Variants in NPSR1 observed in about 807,000 individuals in gnomAD.
NPSR1 encodes neuropeptide S receptor 1, also known as neuropeptide S receptor.
Under a neutral mutation model 46.9 loss-of-function variants are expected in NPSR1, and 48 were observed. That is an observed-to-expected ratio of 1.02 (90% confidence interval 0.81 to 1.30). The LOEUF (loss-of-function observed/expected upper bound fraction) is 1.30, where lower values mean the gene tolerates loss of function less well. NPSR1 is among the 50% of genes most tolerant of loss of function. The pLI is 0.00. For missense variants in NPSR1, 450 were observed against 449.5 expected, an observed-to-expected ratio of 1.00 and a Z score of -0.01; for synonymous variants, 176 against 168.1, an observed-to-expected ratio of 1.05 and a Z score of -0.36.
intron 8 of NPSR1, among the ~76,000 whole-genome samples, chr7:34,861,040 G>T (rs981154414): frequency 2.6e-5 from 4 of 151,848 alleles, no homozygotes; most frequent in African/African-American, 9.7e-5. Context: ...GCTGGTGAAA[G>T]CGCTAACTTA....
intron 3 of NPSR1, among the ~76,000 whole-genome samples, chr7:34,788,205 C>T (rs187478527): frequency 9.9e-5 from 15 of 151,948 alleles, no homozygotes; most frequent in Admixed American, 3.3e-4. Flanking sequence ...TAAAATCGCT[C>T]GTTATAAGAC....
intron 8 of NPSR1, among the ~76,000 whole-genome samples, chr7:34,859,015 G>C (rs13310909): frequency 6.6e-6 from 1 of 151,688 alleles, no homozygotes; most frequent in African/African-American, 2.4e-5. Flanking sequence ...TTTGCTCTAG[G>C]TGGCAGGTTC....
At chr7:34,695,527 G>A (rs1793476073) in intron 2 of NPSR1, among the ~76,000 whole-genome samples, 1 of 152,006 alleles carries the variant, frequency 6.6e-6, no homozygotes, top group Non-Finnish European at 1.5e-5. Context: ...CAGCCTATTT[G>A]GAGAGGAAGT....
intron 3 of NPSR1, among the ~76,000 whole-genome samples, chr7:34,781,372 G>C (rs943072107): frequency 6.6e-6 from 1 of 152,106 alleles, no homozygotes; most frequent in Non-Finnish European, 1.5e-5. Context: ...AGCCCAGAGA[G>C]GACTCAAGGG....
At chr7:34,765,854 T>C (rs1353700960) in intron 2 of NPSR1, among the ~76,000 whole-genome samples, 1 of 152,072 alleles carries the variant, frequency 6.6e-6, no homozygotes, top group Non-Finnish European at 1.5e-5. Flanking sequence ...AAACCTTGGA[T>C]ACACATGGAC....
intron 2 of NPSR1, among the ~76,000 whole-genome samples, chr7:34,697,697 A>G (rs978619938): frequency 1.3e-5 from 2 of 151,828 alleles, no homozygotes; most frequent in Non-Finnish European, 1.5e-5. Flanking sequence ...TACTTTCTTA[A>G]TATTTTTAAT....
intron 2 of NPSR1, among the ~76,000 whole-genome samples, chr7:34,732,954 AC>A (rs1784496481): frequency 1.3e-5 from 2 of 152,260 alleles, no homozygotes; most frequent in South Asian, 4.1e-4. Context: ...AAAAATATTA[AC>A]ACATCTAAAA....
chr7:34,709,169 C>T (rs1794260816), intron 2 of NPSR1, among the ~76,000 whole-genome samples: 1 of 152,234 alleles, frequency 6.6e-6, no homozygotes, highest in Admixed American at 6.5e-5. Context: ...GGCCTCATTA[C>T]GTTTCTCAGG....
intron 2 of NPSR1, among the ~76,000 whole-genome samples, chr7:34,726,607 C>A (rs1253971824): frequency 6.6e-6 from 1 of 152,032 alleles, no homozygotes; most frequent in East Asian, 1.9e-4. Flanking sequence ...TTGGAAGCAA[C>A]CAAAATGTCC....
intron 2 of NPSR1, among the ~76,000 whole-genome samples, chr7:34,743,840 C>T (rs1271237546): frequency 6.6e-6 from 1 of 152,082 alleles, no homozygotes; most frequent in Non-Finnish European, 1.5e-5. Context: ...TTTTTGTTAT[C>T]ATTTTCTAGC....
intron 1 of NPSR1, among the ~76,000 whole-genome samples, chr7:34,663,041 T>TTCTCTCTCTCTC (rs376420280): frequency 0.06 from 6,498 of 108,102 alleles, 333 homozygotes; most frequent in Non-Finnish European, 0.077. Context: ...TGTAGTGCAT[T>TTCTCTCTCTCTC]TCTCTCTCTC....
In NPSR1 at chr7:34,714,158, T is replaced by C. The variant is rs996166394; in HGVS notation, c.280+29474T>C. Among the ~76,000 whole-genome samples the C allele has an allele frequency of 2.6e-5, 4 of 152,326 alleles. No homozygotes were observed. The East Asian group carries it at 7.7e-4, about 29-fold the overall frequency. The stretch of plus-strand genomic sequence containing the variant: ...GCCAGGAAAGTTCCTCAGTTCCTCC[T>C]CACTTGGGCCTCTCCAGAACTCCCT... On this transcript the variant is annotated intron_variant, in intron 2 of 8. Transcript: ENST00000360581.
rs1385322333 is a variant in NPSR1, at chr7:34,844,974, T to G, written c.836T>G (p.Ile279Ser). The part of the protein sequence containing the change: ...KIKAIKYSII[I>S]ILAFICCWSP... ...AAGGCTATCAAGTATAGCATCATCA[T>G]CATTCTTGGTAAGCAATGTCCCTCC... Residue 279 changes from isoleucine (I) to serine (S), a missense_variant, in exon 7 of 9, where the codon ATC becomes AGC. Coordinates refer to ENST00000360581, the MANE Select transcript of NPSR1 (RefSeq NM_207172.2). 1 of 1,609,580 alleles carries G rather than the reference T, an allele frequency of 6.2e-7. No homozygotes were observed. Among genetic ancestry groups the G allele is most frequent in the East Asian group, 2.2e-5 (1 of 44,852 alleles).
At chr7:34,683,532 T>C (rs1473068956) in intron 1 of NPSR1, among the ~76,000 whole-genome samples, 1 of 152,204 alleles carries the variant, frequency 6.6e-6, no homozygotes, top group African/African-American at 2.4e-5. Context: ...TCATTTATCT[T>C]AATCTGTTTC....
chr7:34,663,041 T>TGCTCTCTCTCTCTCTCTC (rs1554301909), intron 1 of NPSR1, among the ~76,000 whole-genome samples: 1 of 108,286 alleles, frequency 9.2e-6, no homozygotes, highest in Non-Finnish European at 1.8e-5. Flanking sequence ...TGTAGTGCAT[T>TGCTCTCTCTCTCTCTCTC]TCTCTCTCTC....
chr7:34,722,972 T>C (rs1783938738), intron 2 of NPSR1, among the ~76,000 whole-genome samples: 2 of 152,186 alleles, frequency 1.3e-5, no homozygotes, highest in Admixed American at 6.5e-5. Context: ...TTATTTGACC[T>C]GTGTCACAGT....
At chr7:34,751,827 G>A in intron 2 of NPSR1, 1 of 1,587,706 alleles carries the variant, frequency 6.3e-7, no homozygotes, top group South Asian at 1.1e-5. Context: ...CTGCCAGTTG[G>A]TAAATGAGGG....
intron 3 of NPSR1, among the ~76,000 whole-genome samples, chr7:34,809,050 C>G (rs1788850303): frequency 6.6e-6 from 1 of 152,170 alleles, no homozygotes; most frequent in Non-Finnish European, 1.5e-5. Flanking sequence ...TCCCTCAAGA[C>G]AGCCACAGAG....
chr7:34,681,242 C>G (rs1300924079), intron 1 of NPSR1, among the ~76,000 whole-genome samples: 1 of 152,140 alleles, frequency 6.6e-6, no homozygotes, highest in Non-Finnish European at 1.5e-5. Context: ...TGCCAACATT[C>G]TTTTTGGTTA....
Sources: allele counts gnomAD v4.1 joint callset (sites outside exome capture counted in the v4.1 genomes callset), GRCh38; gene constraint gnomAD v4.1.1; transcripts MANE v1.5; gene names NCBI Gene and HGNC (gene_info 2026-07-23, HGNC 2026-07-21).